Variants in GSDMC observed in about 807,000 individuals in gnomAD.
GSDMC encodes the protein gasdermin C.
In GSDMC, 59 loss-of-function variants were observed where a neutral mutation model predicts 58.0. The ratio of observed to expected loss-of-function variants is 1.02; its 90% CI spans 0.82 to 1.26. GSDMC has a LOEUF of 1.26. GSDMC is among the 50% of genes most tolerant of loss of function. The pLI is 0.00. For synonymous variants in GSDMC, 241 were observed against 220.2 expected (o/e 1.09, Z -0.83); for missense variants, 659 against 598.5 (o/e 1.10, Z -1.06).
the GSDMC span, among the ~76,000 whole-genome samples, chr8:129,716,420 T>C: frequency 6.6e-6 from 1 of 152,230 alleles, no homozygotes; most frequent in Non-Finnish European, 1.5e-5. Context: ...TCTCTGTTTG[T>C]CTATTAGTGG....
At position 129,750,454 on chromosome 8, in the gene GSDMC, C is replaced by G. The variant is rs761884305; in HGVS notation, c.1060G>C (p.Ala354Pro). ...ACCATGTTCATCAGGTCCTGTAGAGCCCCTCTGTCTCTGAGCATGGCCAGG... is the reference window on the plus strand; with the variant it reads ...ACCATGTTCATCAGGTCCTGTAGAGGCCCTCTGTCTCTGAGCATGGCCAGG... The part of the protein sequence containing the change: ...SILAMLRDRG[A>P]LQDLMNMLEL... Residue 354 changes from alanine to proline, a missense_variant, in exon 11 of 14, where the codon GCT becomes CCT. By Grantham distance (27) the Ala-to-Pro change is conservative. Transcript: ENST00000276708. 6 of 1,613,998 alleles carry G rather than the reference C, an allele frequency of 3.7e-6. No homozygotes were observed. The East Asian group carries it at 1.3e-4, about 36-fold the overall frequency.
intron 6 of GSDMC, among the ~76,000 whole-genome samples, chr8:129,757,219 A>G (rs1173084306): frequency 6.6e-6 from 1 of 152,112 alleles, no homozygotes; most frequent in East Asian, 1.9e-4. Context: ...AAAAGGAGAC[A>G]TTACAACTGA....
At chr8:129,779,916 A>AT (rs201400472) in intron 1 of GSDMC, among the ~76,000 whole-genome samples, 4,722 of 152,170 alleles carry the variant, frequency 0.031, 112 homozygotes, top group Middle Eastern at 0.075. Context: ...TATCAGATAA[A>AT]TTTTTTAAGG....
chr8:129,783,930 C>A (rs941777386), intron 1 of GSDMC, among the ~76,000 whole-genome samples: 6 of 152,008 alleles, frequency 3.9e-5, no homozygotes, highest in Non-Finnish European at 8.8e-5. Context: ...AACCCAGAAA[C>A]AAATCCATAT....
downstream of GSDMC, among the ~76,000 whole-genome samples, chr8:129,743,248 A>G (rs144133702): frequency 6.6e-6 from 1 of 152,314 alleles, no homozygotes; most frequent in Non-Finnish European, 1.5e-5. Context: ...GTTATATCGT[A>G]TCACAGGTCC....
At chr8:129,780,331 C>T (rs1004367041) in intron 1 of GSDMC, among the ~76,000 whole-genome samples, 1 of 152,134 alleles carries the variant, frequency 6.6e-6, no homozygotes, top group Admixed American at 6.6e-5. Context: ...AAGAAGACTA[C>T]CTCAGGCATT....
the GSDMC span, chr8:129,729,197 T>C: frequency 1.1e-5 from 7 of 655,518 alleles, no homozygotes; most frequent in South Asian, 5.8e-5. Flanking sequence ...ATAAGCTGCA[T>C]TTAAAAGATG....
downstream of GSDMC, among the ~76,000 whole-genome samples, chr8:129,746,191 A>G (rs1456494607): frequency 6.6e-6 from 1 of 152,224 alleles, no homozygotes; most frequent in African/African-American, 2.4e-5. Flanking sequence ...GAACAGTTTT[A>G]TGCCATGGAA....
At chr8:129,755,500 A>T (rs1006872209) in intron 6 of GSDMC, among the ~76,000 whole-genome samples, 9 of 152,182 alleles carry the variant, frequency 5.9e-5, no homozygotes, top group Non-Finnish European at 1.2e-4. Flanking sequence ...AGAAAAGGAC[A>T]TTAATGAGCA....
At chr8:129,724,649 G>T in the GSDMC span, among the ~76,000 whole-genome samples, 1 of 151,518 alleles carries the variant, frequency 6.6e-6, no homozygotes, top group Admixed American at 6.6e-5. Context: ...AACTATATAT[G>T]TTCACACACA....
chr8:129,772,986 C>T lies in GSDMC; in HGVS notation c.404+3116G>A, dbSNP rs79617679. ...CATTTGCAAATCAATAAATATAATA[C>T]ACCATATTAACATAATCGAGGACAA... On this transcript the variant is annotated intron_variant, in intron 3 of 13. Coordinates refer to ENST00000276708, the MANE Select transcript of GSDMC (RefSeq NM_031415.3). Among the ~76,000 whole-genome samples the T allele has an allele frequency of 3.5e-3, 531 of 152,274 alleles. 7 individuals carry two copies. The East Asian group carries it at 0.037, about 11-fold the overall frequency.
At chr8:129,768,728 C>CA (rs113716933) in intron 3 of GSDMC, among the ~76,000 whole-genome samples, 21,786 of 151,700 alleles carry the variant, frequency 0.14, 1,904 homozygotes, top group Non-Finnish European at 0.19. Flanking sequence ...TCAAGTGAAA[C>CA]AAAAAAATAT....
chr8:129,752,969 G>T (rs1346732148), intron 6 of GSDMC, 149 bp from the exon 7 acceptor site: 16 of 1,356,874 alleles, frequency 1.2e-5, no homozygotes, highest in Non-Finnish European at 1.6e-5. Flanking sequence ...AAGAGGAATT[G>T]CCCATTCCTT....
chr8:129,732,289 T>TA, the GSDMC span, among the ~76,000 whole-genome samples: 36,646 of 140,624 alleles, frequency 0.26, 4,631 homozygotes, highest in South Asian at 0.35. Flanking sequence ...CTTTATAAAT[T>TA]AAAAAAAAAA....
the GSDMC span, among the ~76,000 whole-genome samples, chr8:129,737,788 C>T: frequency 2.6e-5 from 4 of 152,246 alleles, no homozygotes; most frequent in East Asian, 5.8e-4. Context: ...AAAGCAATGG[C>T]AACAAAAGCC....
intron 3 of GSDMC, among the ~76,000 whole-genome samples, chr8:129,772,642 G>A (rs1414896635): frequency 3.3e-5 from 5 of 152,038 alleles, no homozygotes; most frequent in Non-Finnish European, 5.9e-5. Context: ...AAAAAGCTCC[G>A]AAAAAACATG....
At chr8:129,729,639 C>T in the GSDMC span, among the ~76,000 whole-genome samples, 20 of 152,318 alleles carry the variant, frequency 1.3e-4, no homozygotes. Flanking sequence ...AGGACATGAA[C>T]TCATCCTTTT....
chr8:129,725,250 G>C, the GSDMC span, among the ~76,000 whole-genome samples: 4 of 152,176 alleles, frequency 2.6e-5, no homozygotes, highest in Admixed American at 1.3e-4. Context: ...TCCCTGTCCT[G>C]TTCCCTGACA....
the GSDMC span, among the ~76,000 whole-genome samples, chr8:129,711,137 T>C: frequency 1.3e-5 from 2 of 152,232 alleles, no homozygotes; most frequent in Non-Finnish European, 2.9e-5. Flanking sequence ...TATAGTAGCA[T>C]TTATTGAGTA....
Sources: allele counts gnomAD v4.1 joint callset (sites outside exome capture counted in the v4.1 genomes callset), GRCh38; gene constraint gnomAD v4.1.1; transcripts MANE v1.5; gene names NCBI Gene and HGNC (gene_info 2026-07-23, HGNC 2026-07-21).